Variants in SRCIN1 observed in about 807,000 individuals in gnomAD.
The protein encoded by SRCIN1 is P130Cas-associated protein.
Under a neutral mutation model 116.2 loss-of-function variants are expected in SRCIN1, and 50 were observed. The ratio of observed to expected loss-of-function variants is 0.43; its 90% CI spans 0.34 to 0.54. The LOEUF (loss-of-function observed/expected upper bound fraction) is 0.54. Ranked by LOEUF, SRCIN1 falls within the 20% of genes least tolerant of loss-of-function variation. The pLI, the probability that SRCIN1 is intolerant of heterozygous loss-of-function variation, is 0.02. For synonymous variants in SRCIN1, 736 were observed against 750.0 expected, an observed-to-expected ratio of 0.98 and a Z score of 0.30; for missense variants, 1,446 against 1,672.0, an observed-to-expected ratio of 0.86 and a Z score of 2.36.
intron 1 of SRCIN1, among the ~76,000 whole-genome samples, chr17:38,603,868 C>T (rs1163068426): frequency 1.3e-5 from 2 of 152,176 alleles, no homozygotes; most frequent in Admixed American, 1.3e-4. Flanking sequence ...TTGCCTGGAG[C>T]ACTCCTTCCT....
In SRCIN1 at chr17:38,563,309, C is replaced by A. The variant is rs201774879; in HGVS notation, c.740+14G>T. 5.1e-6 allele frequency: 8 copies of A among 1,563,376 alleles called. No homozygotes were observed. The highest frequency in any genetic ancestry group is 1.9e-5 in the Admixed American group (1 of 53,554). On this transcript the variant is annotated intron_variant, in intron 5 of 18. Coordinates refer to ENST00000617146, the MANE Select transcript of SRCIN1 (RefSeq NM_025248.3). The surrounding 1 kb of genome is among the most constrained non-coding windows in gnomAD (Gnocchi z 5.8). ...TGGGGAAGCCCACCCAAATCCCCCC[C>A]GGTCCACGCCCACCGGACGTCCTCC...
At chr17:38,537,742 G>T (rs1904478312) in intron 18 of SRCIN1, among the ~76,000 whole-genome samples, 1 of 149,276 alleles carries the variant, frequency 6.7e-6, no homozygotes, top group South Asian at 2.1e-4. Flanking sequence ...AGTGAGCAGA[G>T]ATCGCACCAC....
intron 1 of SRCIN1, among the ~76,000 whole-genome samples, chr17:38,595,222 G>A (rs1292235844): frequency 6.6e-6 from 1 of 151,876 alleles, no homozygotes; most frequent in Non-Finnish European, 1.5e-5. Flanking sequence ...GTCTTTCCCC[G>A]CCGCCCCGAC....
intron 9 of SRCIN1, 23 bp downstream of exon 9, chr17:38,560,031 G>C (rs1405431351): frequency 6.6e-7 from 1 of 1,521,652 alleles, no homozygotes; most frequent in African/African-American, 1.4e-5. Context: ...GAACAAGGAT[G>C]GGGGAGGGGG....
chr17:38,595,127 C>T (rs1177506118), intron 1 of SRCIN1, among the ~76,000 whole-genome samples: 3 of 152,020 alleles, frequency 2.0e-5, no homozygotes, highest in Non-Finnish European at 4.4e-5. Flanking sequence ...AACACTTAAG[C>T]AAAGCATCCA....
At chr17:38,536,410 A>G (rs1259601623) in intron 18 of SRCIN1, among the ~76,000 whole-genome samples, 1 of 152,226 alleles carries the variant, frequency 6.6e-6, no homozygotes, top group African/African-American at 2.4e-5. Context: ...CCTTCGTGGC[A>G]AGGCAGAAAC....
intron 2 of SRCIN1, among the ~76,000 whole-genome samples, chr17:38,575,374 T>C (rs1266633121): frequency 1.3e-5 from 2 of 152,040 alleles, no homozygotes; most frequent in African/African-American, 4.8e-5. Context: ...CTCAGCCTCC[T>C]GAGTAGCAAG....
rs750358715 is a variant in SRCIN1 at position 38,549,101 on chromosome 17, G to C, written c.3072C>G (p.Thr1024=). The change falls in exon 16 of 19, where the codon ACC becomes ACG. Residue 1024 remains threonine, a synonymous_variant. Transcript: ENST00000617146. Reference sequence around the variant, plus strand: ...TCTTGCTGGTGACCACCACCTCTCCGGTACGTGTGGTGGTCAGGCCATGGG... The same window carrying C: ...TCTTGCTGGTGACCACCACCTCTCCCGTACGTGTGGTGGTCAGGCCATGGG... ...PSSHGLTTTR[T]GEVVVTSKKD... 1.2e-6 allele frequency: 2 copies of C among 1,612,308 alleles called. No homozygotes were observed. The highest frequency in any genetic ancestry group is 1.7e-5 in the Admixed American group (1 of 59,924).
chr17:38,534,933 T>C (rs1234554222), intron 18 of SRCIN1, among the ~76,000 whole-genome samples: 1 of 152,070 alleles, frequency 6.6e-6, no homozygotes, highest in Admixed American at 6.6e-5. Flanking sequence ...AAGACCAGCC[T>C]GGGTAACATG....
rs568780053 is a variant in SRCIN1 at position 38,551,184 on chromosome 17, C to T, written c.2933G>A (p.Arg978Gln). 8.9e-6 allele frequency: 14 copies of T among 1,581,002 alleles called. No individual in the cohort carries two copies. The highest frequency in any genetic ancestry group is 2.2e-5 in the East Asian group (1 of 44,478). ...GCCCCTCCTCCCACTGGGCTCCGTT[C>T]GGGGGGCTGCCTTCTGGCCGTGGGG... is the stretch of plus-strand genomic sequence containing the variant. Reference protein sequence around the residue: ...KAPHGQKAAPRTEPSGRRGSD... With the variant: ...KAPHGQKAAPQTEPSGRRGSD... Residue 978 changes from arginine (R) to glutamine (Q), a missense_variant, in exon 15 of 19, where the codon CGA becomes CAA. Arg to Gln is a conservative substitution (Grantham distance 43). Transcript: ENST00000617146.
In SRCIN1 at chr17:38,564,459, C is replaced by A. The variant is rs1906548158; in HGVS notation, c.346-146G>T. 4.5e-6 allele frequency: 4 copies of A among 882,090 alleles called. No individual in the cohort carries two copies. The South Asian group carries it at 5.4e-5, about 12-fold the overall frequency. The allele number at this position is 882,090 out of a possible 1,614,324, so 54.6% of individuals were successfully genotyped here. A position where few individuals can be genotyped will look rare whatever the true frequency, so the allele number is the denominator to read the frequency against. On this transcript the variant is annotated intron_variant, in intron 3 of 18. Transcript: ENST00000617146. Reference sequence around the variant, plus strand: ...CAGACTCCCACACAGATTACAGACTCCTGGCATGGCCACAAGAGAGTTCCC... The same window carrying A: ...CAGACTCCCACACAGATTACAGACTACTGGCATGGCCACAAGAGAGTTCCC...
intron 18 of SRCIN1, among the ~76,000 whole-genome samples, chr17:38,536,117 C>T (rs1336882872): frequency 1.3e-5 from 2 of 152,212 alleles, no homozygotes; most frequent in Non-Finnish European, 2.9e-5. Flanking sequence ...TATGGGGATG[C>T]CTCGTCCCCG....
intron 18 of SRCIN1, among the ~76,000 whole-genome samples, chr17:38,538,909 G>A (rs554851097): frequency 9.2e-5 from 14 of 151,634 alleles, no homozygotes; most frequent in African/African-American, 3.4e-4. Flanking sequence ...ACCTGCAAAC[G>A]GATAACAGGC....
chr17:38,569,766 A>C (rs1160854782), intron 2 of SRCIN1, among the ~76,000 whole-genome samples: 1 of 152,178 alleles, frequency 6.6e-6, no homozygotes, highest in Non-Finnish European at 1.5e-5. Context: ...TCATCTATGG[A>C]CTGAGGCCAC....
In SRCIN1 at chr17:38,562,212, C is replaced by T; in HGVS notation, c.951G>A (p.Pro317=). The T allele has an allele frequency of 2.8e-6, 4 of 1,432,910 alleles. No individual in the cohort carries two copies. The highest frequency in any genetic ancestry group is 3.6e-6 in the Non-Finnish European group (4 of 1,103,254). The allele number at this position is 1,432,910 out of a possible 1,614,324, so 88.8% of individuals were successfully genotyped here. ...SPPPGLPSGL[P]SGLQSGSPSR... Reference sequence around the variant, plus strand: ...ACGGCGAACCGGACTGCAGCCCGGACGGCAGCCCCGACGGCAGCCCGGGCG... The same window carrying T: ...ACGGCGAACCGGACTGCAGCCCGGATGGCAGCCCCGACGGCAGCCCGGGCG... Residue 317 remains proline, a synonymous_variant, in exon 7 of 19, where the codon CCG becomes CCA. Coordinates refer to ENST00000617146, the MANE Select transcript of SRCIN1 (RefSeq NM_025248.3). The surrounding 1 kb of genome is among the most constrained non-coding windows in gnomAD (Gnocchi z 4.2).
intron 1 of SRCIN1, among the ~76,000 whole-genome samples, chr17:38,581,825 C>T (rs1248098046): frequency 1.3e-5 from 2 of 152,162 alleles, no homozygotes; most frequent in Non-Finnish European, 2.9e-5. Flanking sequence ...CATGAGAAGG[C>T]TGGGGGTTCC....
chr17:38,551,782 A>G, intron 14 of SRCIN1, 104 bp downstream of exon 14: 26 of 1,589,686 alleles, frequency 1.6e-5, no homozygotes, highest in Non-Finnish European at 2.0e-5. Context: ...TCCTCCCCCA[A>G]GGAAAAAGAC....
Position 38,602,706 on chromosome 17 carries a change from G to A in SRCIN1, c.22+2978C>T, listed in dbSNP as rs1323371095. 2 of 152,238 alleles carry A rather than the reference G, an allele frequency of 1.3e-5. No homozygotes were observed. The highest frequency in any genetic ancestry group is 2.1e-4 in the South Asian group (1 of 4,826). The allele number at this position is 152,238 out of a possible 1,614,324, so 9.4% of individuals were successfully genotyped here. On this transcript the variant is annotated intron_variant, in intron 1 of 18. Coordinates refer to ENST00000617146, the MANE Select transcript of SRCIN1 (RefSeq NM_025248.3). This position sits in a 1 kb window ranked among gnomAD's most constrained non-coding sequence, Gnocchi z 4.2. ...AGGAGATAAATGCTTGAGATTCCTC[G>A]AAAGAGCAGCTTTTATGGCAAGCCC...
At chr17:38,579,297 T>C (rs530700122) in intron 1 of SRCIN1, among the ~76,000 whole-genome samples, 1 of 152,306 alleles carries the variant, frequency 6.6e-6, no homozygotes, top group Non-Finnish European at 1.5e-5. Flanking sequence ...GACTAGCATA[T>C]GTCCAGGACA....
Sources: gnomAD v4.1 joint callset for allele counts (sites outside exome capture counted in the v4.1 genomes callset) on GRCh38, gnomAD v4.1.1 for gene constraint, Gnocchi (gnomAD v3.1) non-coding constraint, MANE v1.5 for transcripts, NCBI Gene and HGNC (gene_info 2026-07-23, HGNC 2026-07-21) for gene names.